TBC1D31: variants seen among roughly 807,000 people sequenced by gnomAD.
TBC1D31 encodes the protein TBC1 domain family member 31.
Under a neutral mutation model 132.9 loss-of-function variants are expected in TBC1D31, and 99 were observed. That is an observed-to-expected ratio of 0.74 (90% CI 0.63 to 0.88). TBC1D31 has a LOEUF of 0.88. TBC1D31 is among the 40% of genes least tolerant of loss of function. TBC1D31 has a pLI of 0.00. For synonymous variants in TBC1D31, 385 were observed against 419.4 expected (o/e 0.92, Z 1.00); for missense variants, 1,134 against 1,256.6 (o/e 0.90, Z 1.48).
intron 1 of TBC1D31, among the ~76,000 whole-genome samples, 185 bp downstream of exon 1, chr8:123,073,031 C>A (rs1814071034): frequency 6.6e-6 from 1 of 152,180 alleles, no homozygotes; most frequent in Non-Finnish European, 1.5e-5. Context: ...CTTCTGAGTT[C>A]TGGGAGCGGG....
chr8:123,115,161 C>T (rs889761152), intron 10 of TBC1D31, among the ~76,000 whole-genome samples: 1 of 152,168 alleles, frequency 6.6e-6, no homozygotes, highest in Non-Finnish European at 1.5e-5. Context: ...ATTCTGCCAA[C>T]CCTGGGAAAT....
intron 16 of TBC1D31, among the ~76,000 whole-genome samples, chr8:123,131,280 C>T (rs549865798): frequency 6.9e-6 from 1 of 144,334 alleles, no homozygotes; most frequent in African/African-American, 2.6e-5. Context: ...AGGAGAATTG[C>T]TTGACCCTGG....
At chr8:123,149,779 A>G (rs1822596920) in intron 20 of TBC1D31, among the ~76,000 whole-genome samples, 1 of 152,190 alleles carries the variant, frequency 6.6e-6, no homozygotes, top group Admixed American at 6.5e-5. Flanking sequence ...CTTAATATCC[A>G]TATTTTTGAG....
At chr8:123,115,560 TAG>T (rs1385660228) in intron 10 of TBC1D31, among the ~76,000 whole-genome samples, 1 of 152,216 alleles carries the variant, frequency 6.6e-6, no homozygotes, top group African/African-American at 2.4e-5. Context: ...AATTTATCCT[TAG>T]AGTTTGGTAG....
intron 10 of TBC1D31, among the ~76,000 whole-genome samples, 162 bp from the exon 11 acceptor site, chr8:123,119,893 A>C (rs1261060241): frequency 6.6e-6 from 1 of 152,238 alleles, no homozygotes; most frequent in Non-Finnish European, 1.5e-5. Flanking sequence ...TTTTTTAAGA[A>C]AGGATTTATA....
intron 7 of TBC1D31, among the ~76,000 whole-genome samples, chr8:123,101,606 G>T (rs112814490): frequency 0.013 from 1,923 of 152,136 alleles, 44 homozygotes; most frequent in African/African-American, 0.042. Flanking sequence ...GTAAAGATGG[G>T]GTTTCACAAT....
At chr8:123,145,455 A>G (rs1206361217) in intron 20 of TBC1D31, among the ~76,000 whole-genome samples, 4 of 152,354 alleles carry the variant, frequency 2.6e-5, no homozygotes, top group East Asian at 1.9e-4. Context: ...GGTCCTCAGA[A>G]CAACAGTATA....
At chr8:123,152,753 C>T (rs1822884069), downstream of TBC1D31, among the ~76,000 whole-genome samples, 1 of 152,104 alleles carries the variant, frequency 6.6e-6, no homozygotes, top group Non-Finnish European at 1.5e-5. Flanking sequence ...TGCCTGTAAT[C>T]CCAGCTACTT....
chr8:123,163,452 C>A, the TBC1D31 span, among the ~76,000 whole-genome samples: 1 of 149,906 alleles, frequency 6.7e-6, no homozygotes, highest in South Asian at 2.1e-4. Flanking sequence ...GCAACCTCCA[C>A]CTCCCCAGCC....
chr8:123,086,718 CTTTT>C (rs112065086), intron 4 of TBC1D31, among the ~76,000 whole-genome samples: 11 of 142,546 alleles, frequency 7.7e-5, no homozygotes, highest in African/African-American at 2.8e-4. Context: ...CCTCCCTGTT[CTTTT>C]TTTTTTTTTT....
chr8:123,151,706 A>G (rs1822784444), intron 21 of TBC1D31, 100 bp from the exon 22 acceptor site: 2 of 1,242,908 alleles, frequency 1.6e-6, no homozygotes, highest in Non-Finnish European at 1.1e-6. Flanking sequence ...ATTGCATTTC[A>G]TTATTTGTTT....
intron 11 of TBC1D31, among the ~76,000 whole-genome samples, chr8:123,122,496 G>C (rs1563728040): frequency 6.6e-6 from 1 of 152,150 alleles, no homozygotes; most frequent in Non-Finnish European, 1.5e-5. Context: ...TAAATTCATA[G>C]ACACAGAAAA....
intron 20 of TBC1D31, among the ~76,000 whole-genome samples, chr8:123,148,476 G>A (rs557192471): frequency 3.3e-5 from 5 of 152,106 alleles, no homozygotes; most frequent in South Asian, 2.1e-4. Context: ...GCACGGTGGC[G>A]CCTGTAATCC....
At chr8:123,080,756 C>T (rs1159980549) in intron 2 of TBC1D31, among the ~76,000 whole-genome samples, 4 of 151,976 alleles carry the variant, frequency 2.6e-5, no homozygotes, top group Admixed American at 2.0e-4. Flanking sequence ...AGGATGGTCT[C>T]GATCTCCTGA....
In TBC1D31 at chr8:123,072,842, G is replaced by A. The variant is rs1814040517; in HGVS notation, c.73G>A (p.Asp25Asn). Reference sequence around the variant, plus strand: ...CCGCAAGCCGTCCCCGGCCACGCGGGACGGGTAAAGGCCGTGGCGGGAGGG... The same window carrying A: ...CCGCAAGCCGTCCCCGGCCACGCGGAACGGGTAAAGGCCGTGGCGGGAGGG... ...WHRKPSPATR[D>N]GIIVNIIHNT... Residue 25 changes from aspartate (D) to asparagine (N), a missense_variant, in exon 1 of 22, where the codon GAC becomes AAC. Coordinates refer to ENST00000287380, the MANE Select transcript of TBC1D31 (RefSeq NM_145647.4). The A allele has an allele frequency of 6.4e-7, 1 of 1,565,186 alleles. No homozygotes were observed.
intron 10 of TBC1D31, 80 bp downstream of exon 10, chr8:123,109,700 A>C (rs1245039393): frequency 1.5e-6 from 2 of 1,347,028 alleles, no homozygotes; most frequent in Non-Finnish European, 2.0e-6. Context: ...TGTTTATAAA[A>C]TATTGTTTTG....
chr8:123,102,573 CATT>C, intron 7 of TBC1D31: 1 of 237,182 alleles, frequency 4.2e-6, no homozygotes, highest in Non-Finnish European at 8.4e-6. Context: ...AGTCACTCCT[CATT>C]ATTTGTGCAT....
chr8:123,087,960 A>G (rs1450056359), intron 4 of TBC1D31, among the ~76,000 whole-genome samples: 3 of 150,524 alleles, frequency 2.0e-5, no homozygotes, highest in African/African-American at 7.4e-5. Flanking sequence ...AGGCGGGGGG[A>G]TCACCTGAGG....
At chr8:123,084,134 T>G in intron 3 of TBC1D31, 28 bp from the exon 4 acceptor site, 1 of 1,601,578 alleles carries the variant, frequency 6.2e-7, no homozygotes, top group East Asian at 2.2e-5. Context: ...GTGTTTTACC[T>G]GGGTAACAAT....
Sources: gnomAD v4.1 joint callset for allele counts (sites outside exome capture counted in the v4.1 genomes callset) on GRCh38, gnomAD v4.1.1 for gene constraint, MANE v1.5 for transcripts, NCBI Gene and HGNC (gene_info 2026-07-23, HGNC 2026-07-21) for gene names.